The following PDIA3 variants were observed in gnomAD, a reference collection of about 807,000 sequenced individuals.
PDIA3 encodes protein disulfide isomerase family A member 3, also known as protein disulfide-isomerase A3.
In PDIA3, 16 loss-of-function variants were observed where a neutral mutation model predicts 56.9. That is an observed-to-expected ratio of 0.28 (90% CI 0.19 to 0.43). The LOEUF (loss-of-function observed/expected upper bound fraction) is 0.43. Ranked by LOEUF, PDIA3 falls within the 20% of genes least tolerant of loss-of-function variation. PDIA3 has a pLI of 1.00. For synonymous variants in PDIA3, 192 were observed against 216.5 expected (o/e 0.89, Z 0.99); for missense variants, 485 against 621.3 (o/e 0.78, Z 2.33).
At chr15:43,763,228 C>G (rs770137251) in intron 5 of PDIA3, 22 bp downstream of exon 5, 6 of 1,610,590 alleles carry the variant, frequency 3.7e-6, no homozygotes, top group Admixed American at 3.3e-5. Context: ...AGTTGAATCT[C>G]CTGACCAAGT....
intron 9 of PDIA3, 38 bp downstream of exon 9, chr15:43,768,635 G>T (rs750524482): frequency 1.5e-6 from 2 of 1,306,616 alleles, no homozygotes; most frequent in South Asian, 1.2e-5. Flanking sequence ...ATGAGCAATT[G>T]CCTGTCCTCA....
chr15:43,767,999 C>T (rs116189118), intron 8 of PDIA3, among the ~76,000 whole-genome samples: 1,890 of 152,100 alleles, frequency 0.012, 36 homozygotes, highest in African/African-American at 0.043. Flanking sequence ...TTGATACTGA[C>T]GTAATTTCAA....
intron 1 of PDIA3, among the ~76,000 whole-genome samples, chr15:43,750,546 C>G (rs1239505900): frequency 4.1e-5 from 6 of 146,940 alleles, no homozygotes; most frequent in African/African-American, 1.5e-4. Context: ...GAGGTCAAGG[C>G]GGGTGGATCA....
chr15:43,752,373 T>G (rs2086750176), intron 1 of PDIA3, among the ~76,000 whole-genome samples: 1 of 152,232 alleles, frequency 6.6e-6, no homozygotes, highest in Non-Finnish European at 1.5e-5. Context: ...TACCACTGAT[T>G]GTGAGAGGAA....
chr15:43,756,864 G>A (rs2086781555), intron 3 of PDIA3, 98 bp downstream of exon 3: 1 of 657,212 alleles, frequency 1.5e-6, no homozygotes, highest in South Asian at 2.3e-5. Flanking sequence ...TATACTTTCA[G>A]TCTTAAAACT....
chr15:43,764,299 A>C (rs2086834993), intron 5 of PDIA3, among the ~76,000 whole-genome samples: 1 of 152,208 alleles, frequency 6.6e-6, no homozygotes, highest in Non-Finnish European at 1.5e-5. Flanking sequence ...TAAGGATTCT[A>C]AGGAGAATTC....
At chr15:43,767,147 C>T (rs569890720) in intron 8 of PDIA3, among the ~76,000 whole-genome samples, 56 of 151,218 alleles carry the variant, frequency 3.7e-4, no homozygotes, top group Non-Finnish European at 7.5e-4. Flanking sequence ...GTCGGGAGTT[C>T]GAGACCAGCC....
At chr15:43,748,512 A>G (rs893517629) in intron 1 of PDIA3, among the ~76,000 whole-genome samples, 3 of 151,864 alleles carry the variant, frequency 2.0e-5, no homozygotes, top group Non-Finnish European at 4.4e-5. Context: ...ATTTGAATTG[A>G]AGGGGGTGTT....
chr15:43,762,375 G>A lies in PDIA3; in HGVS notation c.473-702G>A, dbSNP rs975967288. On this transcript the variant is annotated intron_variant, in intron 4 of 12. Coordinates refer to ENST00000300289, the MANE Select transcript of PDIA3 (RefSeq NM_005313.5). ...AAAAATACAAAATTAGCCGAGCATGGTGGTGCATGCCTGTAATCTCAGCTA... is the reference window on the plus strand; with the variant it reads ...AAAAATACAAAATTAGCCGAGCATGATGGTGCATGCCTGTAATCTCAGCTA... Among the ~76,000 whole-genome samples the A allele has an allele frequency of 9.9e-5, 15 of 152,204 alleles. No homozygotes were observed. The South Asian group carries it at 2.7e-3, about 27-fold the overall frequency.
intron 2 of PDIA3, 138 bp downstream of exon 2, chr15:43,754,040 C>G: frequency 1.5e-6 from 1 of 657,522 alleles, no homozygotes; most frequent in Non-Finnish European, 2.7e-6. Context: ...TACTCTTATT[C>G]TGCTAAGAAG....
At chr15:43,767,368 TAAAG>T (rs879880103) in intron 8 of PDIA3, among the ~76,000 whole-genome samples, 26 of 151,656 alleles carry the variant, frequency 1.7e-4, no homozygotes, top group Admixed American at 2.0e-4. Context: ...AAGAAATAAA[TAAAG>T]AAAAATAAAT....
At chr15:43,759,226 C>T (rs1386786974) in intron 3 of PDIA3, among the ~76,000 whole-genome samples, 1 of 151,958 alleles carries the variant, frequency 6.6e-6, no homozygotes, top group East Asian at 1.9e-4. Context: ...GGAGGCGGAG[C>T]TTGCAGTAAG....
chr15:43,760,263 T>C (rs979269739), intron 3 of PDIA3, among the ~76,000 whole-genome samples: 4 of 151,720 alleles, frequency 2.6e-5, no homozygotes, highest in Non-Finnish European at 5.9e-5. Context: ...GGATGGTGCA[T>C]GCCTGTAGAC....
chr15:43,756,271 G>A lies in PDIA3; in HGVS notation c.247-378G>A, dbSNP rs975661768. Among the ~76,000 whole-genome samples, 4 of 152,122 alleles carry A rather than the reference G, an allele frequency of 2.6e-5. No homozygotes were observed. The East Asian group carries it at 5.8e-4, about 22-fold the overall frequency. On this transcript the variant is annotated intron_variant, in intron 2 of 12. Coordinates refer to ENST00000300289, the MANE Select transcript of PDIA3 (RefSeq NM_005313.5). Reference sequence around the variant, plus strand: ...CACCTAAAGGATATGTACCACCATCGATATATCCCCTTGGTGATAGTCGTA... The same window carrying A: ...CACCTAAAGGATATGTACCACCATCAATATATCCCCTTGGTGATAGTCGTA...
rs190002702 is a variant in PDIA3, at chr15:43,757,536, C to T, written c.364+770C>T. Among the ~76,000 whole-genome samples, 232 of 146,296 alleles carry T rather than the reference C, an allele frequency of 1.6e-3. 2 individuals carry two copies. The highest frequency in any genetic ancestry group is 2.9e-3 in the Non-Finnish European group (193 of 67,074). On this transcript the variant is annotated intron_variant, in intron 3 of 12. Transcript: ENST00000300289. The stretch of plus-strand genomic sequence containing the variant: ...TCGCGCCACTGCACTCCAACATGGG[C>T]GACAGAGCGAGACTCCGTCTCAAAA...
intron 1 of PDIA3, among the ~76,000 whole-genome samples, chr15:43,752,481 T>A (rs1029438082): frequency 6.6e-6 from 1 of 152,172 alleles, no homozygotes; most frequent in African/African-American, 2.4e-5. Context: ...GAATCTGAAA[T>A]ACAGCATAAG....
intron 1 of PDIA3, chr15:43,747,036 A>G (rs2086711604): frequency 3.0e-6 from 1 of 338,746 alleles, no homozygotes; most frequent in Non-Finnish European, 5.5e-6. Flanking sequence ...GTGAGTCAGT[A>G]TTAATGCTCC....
intron 8 of PDIA3, among the ~76,000 whole-genome samples, chr15:43,767,997 G>C (rs1280029844): frequency 1.3e-5 from 2 of 151,986 alleles, no homozygotes; most frequent in Non-Finnish European, 2.9e-5. Context: ...CCTTGATACT[G>C]ACGTAATTTC....
chr15:43,769,539 G>A lies in PDIA3; in HGVS notation c.1159G>A (p.Asp387Asn), dbSNP rs2086868800. 6.2e-7 allele frequency: 1 copy of A among 1,613,142 alleles called. No homozygotes were observed. The highest frequency in any genetic ancestry group is 8.5e-7 in the Non-Finnish European group (1 of 1,179,238). ...CCAGGTAGTGGTAGCAGAGAATTTTGATGAAATAGTGAATAATGAAAATAA... is the reference window on the plus strand; with the variant it reads ...CCAGGTAGTGGTAGCAGAGAATTTTAATGAAATAGTGAATAATGAAAATAA... ...PVKVVVAENF[D>N]EIVNNENKDV... is the part of the protein sequence containing the mutation. The change falls in exon 10 of 13, where the codon GAT becomes AAT. Residue 387 changes from aspartate to asparagine, a missense_variant. Physicochemically the swap from Asp to Asn is conservative, Grantham distance 23 (BLOSUM62 1). Transcript: ENST00000300289.
Sources: allele counts gnomAD v4.1 joint callset (sites outside exome capture counted in the v4.1 genomes callset), GRCh38; gene constraint gnomAD v4.1.1; transcripts MANE v1.5; gene names NCBI Gene and HGNC (gene_info 2026-07-23, HGNC 2026-07-21).